The following C16orf78 variants were observed in gnomAD, a reference collection of about 807,000 sequenced individuals.
C16orf78 encodes chromosome 16 open reading frame 78.
C16orf78 carries 19 observed loss-of-function variants against 27.3 expected under a neutral mutation model. The observed-to-expected ratio is 0.70, with a 90% CI of 0.49 to 1.02. The LOEUF (loss-of-function observed/expected upper bound fraction) is 1.02. C16orf78 is among the 50% of genes least tolerant of loss of function. C16orf78 has a pLI of 0.00. For synonymous variants in C16orf78, 130 were observed against 116.1 expected (o/e 1.12, Z -0.77); for missense variants, 339 against 337.0 (o/e 1.01, Z -0.05).
intron 3 of C16orf78, 77 bp downstream of exon 3, chr16:49,378,670 C>T (rs1390883877): frequency 2.0e-5 from 32 of 1,588,450 alleles, no homozygotes; most frequent in Middle Eastern, 1.7e-4. Context: ...CGAAAGCTCA[C>T]GCCATTCTTA....
chr16:49,381,329 T>A (rs1965284278), intron 3 of C16orf78, among the ~76,000 whole-genome samples: 1 of 152,218 alleles, frequency 6.6e-6, no homozygotes, highest in Non-Finnish European at 1.5e-5. Context: ...TTTGTAGTTC[T>A]CCTTGAAGAG....
rs1374811063 is a variant in C16orf78 at position 49,377,855 on chromosome 16, T to C, written c.270+5T>C. 1.3e-6 allele frequency: 2 copies of C among 1,565,996 alleles called. No individual in the cohort carries two copies. Among genetic ancestry groups the C allele is most frequent in the Non-Finnish European group, 1.7e-6 (2 of 1,154,516 alleles). ...GACACGGAGACTTCCCAGCAGGTAA[T>C]GCAGCCCCTCTTCCCCCACTCACCC... is the stretch of plus-strand genomic sequence containing the variant. On this transcript the variant is annotated splice_donor_5th_base_variant and intron_variant, in intron 2 of 4. Transcript: ENST00000299191.
At chr16:49,392,132 T>G (rs1054025180) in intron 3 of C16orf78, among the ~76,000 whole-genome samples, 1 of 152,188 alleles carries the variant, frequency 6.6e-6, no homozygotes, top group Non-Finnish European at 1.5e-5. Flanking sequence ...CCAAACTTTG[T>G]TGATGAAATC....
At chr16:49,379,554 C>T (rs939923293) in intron 3 of C16orf78, among the ~76,000 whole-genome samples, 5 of 152,012 alleles carry the variant, frequency 3.3e-5, no homozygotes, top group African/African-American at 1.2e-4. Flanking sequence ...ATTGCAGTCA[C>T]TTCCCTTTAA....
intron 4 of C16orf78, among the ~76,000 whole-genome samples, chr16:49,397,072 A>G (rs1965484921): frequency 6.6e-6 from 1 of 152,328 alleles, no homozygotes; most frequent in African/African-American, 2.4e-5. Context: ...CACCATCCTC[A>G]GTGACCTACC....
intron 3 of C16orf78, among the ~76,000 whole-genome samples, chr16:49,392,508 T>C (rs1374698444): frequency 6.6e-6 from 1 of 152,152 alleles, no homozygotes; most frequent in Non-Finnish European, 1.5e-5. Context: ...TGAGTTAGAA[T>C]TGAGGCTAAA....
rs1420037136 is a variant in C16orf78, at chr16:49,392,272, T to C, written c.395-4151T>C. On this transcript the variant is annotated intron_variant, in intron 3 of 4. Coordinates refer to ENST00000299191, the MANE Select transcript of C16orf78 (RefSeq NM_144602.4). The stretch of plus-strand genomic sequence containing the variant: ...CCCATAATACTGACCCCAACTCACA[T>C]AAGTCACTATCAAATGAATGACTTA... Among the ~76,000 whole-genome samples, 3 of 152,328 alleles carry C rather than the reference T, an allele frequency of 2.0e-5. No homozygotes were observed. In the South Asian group the frequency reaches 6.2e-4, roughly 32 times the overall value.
intron 2 of C16orf78, 83 bp from the exon 3 acceptor site, chr16:49,378,387 A>T: frequency 6.6e-7 from 1 of 1,505,434 alleles, no homozygotes; most frequent in Non-Finnish European, 8.9e-7. Context: ...AAACCCTTGA[A>T]ATTGCTGTTT....
At chr16:49,374,147 G>A (rs919154756) in intron 1 of C16orf78, 58 bp downstream of exon 1, 4 of 1,591,276 alleles carry the variant, frequency 2.5e-6, no homozygotes, top group African/African-American at 2.7e-5. Context: ...TTGCAGTAGG[G>A]GAGAGAGATT....
At chr16:49,378,252 C>T (rs948932725) in intron 2 of C16orf78, among the ~76,000 whole-genome samples, 3 of 152,136 alleles carry the variant, frequency 2.0e-5, no homozygotes, top group Non-Finnish European at 2.9e-5. Flanking sequence ...GGGACCCCTC[C>T]GATATATGGT....
chr16:49,378,712 G>T, intron 3 of C16orf78, 119 bp downstream of exon 3: 1 of 1,444,266 alleles, frequency 6.9e-7, no homozygotes, highest in Non-Finnish European at 9.3e-7. Flanking sequence ...TCCAACCATT[G>T]TGCACACAGG....
In C16orf78 at chr16:49,385,469, C is replaced by CT. The variant is rs527479528; in HGVS notation, c.394+6877dup. On this transcript the variant is annotated intron_variant, in intron 3 of 4. Transcript: ENST00000299191. Reference sequence around the variant, plus strand: ...GTTGGATCACGAGGTCAGGACCAGCCTGGCCAATATGGTGAAACCTCGTCT... The same window carrying CT: ...GTTGGATCACGAGGTCAGGACCAGCCTTGGCCAATATGGTGAAACCTCGTCT... 2.3e-4 allele frequency among the ~76,000 whole-genome samples: 35 copies of CT among 152,154 alleles called. No individual in the cohort carries two copies. In the South Asian group the frequency reaches 7.3e-3, roughly 32 times the overall value.
intron 3 of C16orf78, among the ~76,000 whole-genome samples, chr16:49,395,365 A>C (rs545143014): frequency 6.6e-6 from 1 of 152,298 alleles, no homozygotes; most frequent in South Asian, 2.1e-4. Context: ...CTCTAGTCCA[A>C]CCTTCAGGCT....
chr16:49,380,231 C>T (rs1965270353), intron 3 of C16orf78, among the ~76,000 whole-genome samples: 1 of 152,164 alleles, frequency 6.6e-6, no homozygotes, highest in South Asian at 2.1e-4. Flanking sequence ...TTGCAGATGG[C>T]CTACTGTGGG....
intron 3 of C16orf78, among the ~76,000 whole-genome samples, chr16:49,385,265 G>A (rs1039395373): frequency 6.6e-6 from 1 of 152,100 alleles, no homozygotes; most frequent in African/African-American, 2.4e-5. Flanking sequence ...CAAAATATAT[G>A]TATATATATT....
chr16:49,396,258 G>A (rs754494536), intron 3 of C16orf78, among the ~76,000 whole-genome samples, 165 bp from the exon 4 acceptor site: 18 of 152,034 alleles, frequency 1.2e-4, no homozygotes, highest in Non-Finnish European at 1.8e-4. Flanking sequence ...AAAGAAAGGG[G>A]AGAAGGGGTA....
chr16:49,378,300 G>T (rs149832738), intron 2 of C16orf78, among the ~76,000 whole-genome samples, 170 bp from the exon 3 acceptor site: 1 of 152,210 alleles, frequency 6.6e-6, no homozygotes, highest in Non-Finnish European at 1.5e-5. Context: ...AAGCACCCGT[G>T]GGCAGACCCT....
intron 3 of C16orf78, among the ~76,000 whole-genome samples, chr16:49,382,839 CT>C (rs1567391472): frequency 6.6e-6 from 1 of 152,226 alleles, no homozygotes; most frequent in South Asian, 2.1e-4. Flanking sequence ...CCACCTAACA[CT>C]TTCCCATTGG....
In C16orf78 at chr16:49,378,561, G is replaced by C. The variant is rs78114813; in HGVS notation, c.362G>C (p.Gly121Ala). The change falls in exon 3 of 5, where the codon GGC becomes GCC. Residue 121 changes from glycine to alanine, a missense_variant. Coordinates refer to ENST00000299191, the MANE Select transcript of C16orf78 (RefSeq NM_144602.4). ...QKGKHLSMVP[G>A]SYIKDGPKKS... ...GGGAAACACCTCAGCATGGTCCCTG[G>C]CAGCTACATCAAGGATGGCCCCAAG... 1 of 1,613,852 alleles carries C rather than the reference G, an allele frequency of 6.2e-7. No homozygotes were observed.
Sources: gnomAD v4.1 joint callset for allele counts (sites outside exome capture counted in the v4.1 genomes callset) on GRCh38, gnomAD v4.1.1 for gene constraint, MANE v1.5 for transcripts, NCBI Gene and HGNC (gene_info 2026-07-23, HGNC 2026-07-21) for gene names.